Variants in TTC34 observed in about 807,000 individuals in gnomAD.
The protein encoded by TTC34 is tetratricopeptide repeat protein 34.
TTC34 carries 44 observed loss-of-function variants against 40.7 expected under a neutral mutation model. That is an observed-to-expected ratio of 1.08 (90% CI 0.85 to 1.39). The LOEUF (loss-of-function observed/expected upper bound fraction) is 1.39. TTC34 is among the 40% of genes most tolerant of loss of function. The probability of loss-of-function intolerance (pLI) is 0.00; values close to 1 mark genes in which losing one functional copy is unlikely to be tolerated. For missense variants in TTC34, 884 were observed against 838.0 expected, an observed-to-expected ratio of 1.05 and a Z score of -0.68; for synonymous variants, 422 against 398.6, an observed-to-expected ratio of 1.06 and a Z score of -0.70.
At chr1:2,677,792 G>C (rs1305882450) in intron 6 of TTC34, among the ~76,000 whole-genome samples, 1 of 40,292 alleles carries the variant, frequency 2.5e-5, no homozygotes, top group Non-Finnish European at 5.0e-5. Flanking sequence ...GCATCTGACC[G>C]CATCACATGG....
chr1:2,695,664 C>T (rs1192522784), intron 6 of TTC34, among the ~76,000 whole-genome samples: 1 of 133,834 alleles, frequency 7.5e-6, no homozygotes, highest in Non-Finnish European at 1.6e-5. Flanking sequence ...CCGCCTGGAA[C>T]AGCACCCACA....
At chr1:2,779,603 G>A (rs1401731478) in intron 6 of TTC34, among the ~76,000 whole-genome samples, 4 of 152,186 alleles carry the variant, frequency 2.6e-5, no homozygotes, top group Non-Finnish European at 5.9e-5. Context: ...GATTACAGGC[G>A]TGAGCCACCA....
At chr1:2,676,887 C>T (rs1639922432) in intron 6 of TTC34, among the ~76,000 whole-genome samples, 3 of 109,442 alleles carry the variant, frequency 2.7e-5, no homozygotes, top group African/African-American at 1.1e-4. Flanking sequence ...GCACCCCACA[C>T]CCACAGGTGA....
intron 6 of TTC34, chr1:2,776,145 C>A (rs1222409723): frequency 1.5e-5 from 2 of 134,740 alleles, no homozygotes; most frequent in Non-Finnish European, 3.1e-5. Context: ...TGTCTGACAG[C>A]CTGGAACAGC....
intron 6 of TTC34, among the ~76,000 whole-genome samples, chr1:2,683,482 A>T (rs1409723020): frequency 9.7e-6 from 1 of 102,776 alleles, no homozygotes; most frequent in African/African-American, 3.2e-5. Context: ...CCACCAGGCG[A>T]GCATCTGACA....
intron 6 of TTC34, among the ~76,000 whole-genome samples, chr1:2,750,850 C>T (rs1444528923): frequency 1.0e-5 from 1 of 98,496 alleles, no homozygotes; most frequent in Non-Finnish European, 2.0e-5. Flanking sequence ...CCCACACACC[C>T]AGGTGAGCAT....
rs1638925373 is a variant in TTC34 at position 2,642,375 on chromosome 1, C to T, written c.2713-480G>A. Among the ~76,000 whole-genome samples the T allele has an allele frequency of 3.9e-5, 6 of 152,142 alleles. No homozygotes were observed. In the South Asian group the frequency reaches 1.2e-3, roughly 31 times the overall value. ...CCCTCTGAGGGGGCTGCTGCCCAGC[C>T]CTTCCACTCTGCCCACCTTCTGAAG... On this transcript the variant is annotated intron_variant, in intron 8 of 8. Transcript: ENST00000401095.
At chr1:2,750,272 A>C (rs1300522749) in intron 6 of TTC34, among the ~76,000 whole-genome samples, 684 of 6,950 alleles carry the variant, frequency 0.098, 3 homozygotes, top group East Asian at 0.15. Flanking sequence ...CAGCCTGGAA[A>C]AGAGCCCAGA....
chr1:2,644,975 C>T (rs892201111), intron 7 of TTC34, among the ~76,000 whole-genome samples: 3 of 152,148 alleles, frequency 2.0e-5, no homozygotes, highest in East Asian at 3.9e-4. Context: ...CGTGGGTGCC[C>T]GAGAAACAAC....
intron 7 of TTC34, 86 bp from the exon 8 acceptor site, chr1:2,644,564 G>A: frequency 7.4e-7 from 1 of 1,356,764 alleles, no homozygotes; most frequent in Non-Finnish European, 1.0e-6. Flanking sequence ...CTCCTTCCCT[G>A]CCCTGTGCTG....
intron 6 of TTC34, among the ~76,000 whole-genome samples, chr1:2,688,141 T>C (rs1442408517): frequency 1.2e-4 from 15 of 128,136 alleles, no homozygotes; most frequent in African/African-American, 4.5e-4. Flanking sequence ...CAGGCGAGCA[T>C]CTGACGGCCT....
chr1:2,779,822 C>T (rs146051726), intron 6 of TTC34, among the ~76,000 whole-genome samples: 51 of 152,220 alleles, frequency 3.4e-4, no homozygotes, highest in African/African-American at 1.2e-3. Flanking sequence ...TTTGTGCTTC[C>T]CTGATGATTG....
chr1:2,652,264 C>T (rs369491453), intron 6 of TTC34, among the ~76,000 whole-genome samples: 10 of 83,400 alleles, frequency 1.2e-4, no homozygotes, highest in Non-Finnish European at 2.8e-4. Context: ...GAGCATCCGA[C>T]AGCCTGGAAC....
At chr1:2,684,532 C>G (rs1377055851) in intron 6 of TTC34, among the ~76,000 whole-genome samples, 3 of 121,258 alleles carry the variant, frequency 2.5e-5, no homozygotes, top group South Asian at 2.9e-4. Context: ...GGTGAGCATC[C>G]GACATCCTGA....
intron 6 of TTC34, among the ~76,000 whole-genome samples, chr1:2,699,447 CCCG>C (rs1641025740): frequency 8.7e-6 from 1 of 115,470 alleles, no homozygotes; most frequent in Non-Finnish European, 2.1e-5. Flanking sequence ...GGAACATCAC[CCCG>C]CACCCACAGG....
chr1:2,687,884 C>A (rs1640437494), intron 6 of TTC34, among the ~76,000 whole-genome samples: 2 of 152,156 alleles, frequency 1.3e-5, no homozygotes, highest in Admixed American at 6.5e-5. Flanking sequence ...ACAGAACCCA[C>A]ATCCCCAGGT....
intron 6 of TTC34, among the ~76,000 whole-genome samples, chr1:2,655,856 C>G (rs1639325336): frequency 6.6e-6 from 1 of 152,234 alleles, no homozygotes; most frequent in South Asian, 2.1e-4. Context: ...CGCCCACACC[C>G]CCAGGCGAGC....
intron 6 of TTC34, among the ~76,000 whole-genome samples, chr1:2,775,790 T>A (rs112321525): frequency 7.1e-6 from 1 of 140,292 alleles, no homozygotes. Context: ...AACACTCGAA[T>A]CTTCAGGTGA....
At chr1:2,685,559 T>G (rs139748592) in intron 6 of TTC34, among the ~76,000 whole-genome samples, 1 of 25,384 alleles carries the variant, frequency 3.9e-5, no homozygotes, top group African/African-American at 2.5e-4. Context: ...GCACCCACAC[T>G]CCCAGGCGAG....
Sources: gnomAD v4.1 joint callset for allele counts (sites outside exome capture counted in the v4.1 genomes callset) on GRCh38, gnomAD v4.1.1 for gene constraint, MANE v1.5 for transcripts, NCBI Gene and HGNC (gene_info 2026-07-23, HGNC 2026-07-21) for gene names.